TSR1: variants seen among roughly 807,000 people sequenced by gnomAD.
The protein encoded by TSR1 is pre-rRNA-processing protein TSR1 homolog.
Under a neutral mutation model 90.9 loss-of-function variants are expected in TSR1, and 81 were observed. The ratio of observed to expected loss-of-function variants is 0.89; its 90% CI spans 0.74 to 1.07. The LOEUF is 1.07. Ranked by LOEUF, TSR1 falls within the 50% of genes least tolerant of loss-of-function variation. The pLI, the probability that TSR1 is intolerant of heterozygous loss-of-function variation, is 0.00. For synonymous variants in TSR1, 362 were observed against 348.8 expected (o/e 1.04, Z -0.42); for missense variants, 989 against 987.3 (o/e 1.00, Z -0.02).
rs1030071318 is a variant in TSR1 at position 2,323,433 on chromosome 17, C to T, written c.*763G>A. ...TCCCTTAGGAGTAGCAAGTGACCCACGGGAACCTGACTAGGTAACTTCATG... is the reference window on the plus strand; with the variant it reads ...TCCCTTAGGAGTAGCAAGTGACCCATGGGAACCTGACTAGGTAACTTCATG... On this transcript the variant is annotated 3_prime_UTR_variant, in exon 15 of 15. Coordinates refer to ENST00000301364, the MANE Select transcript of TSR1 (RefSeq NM_018128.5). The T allele has an allele frequency of 3.9e-5, 58 of 1,473,768 alleles. No individual in the cohort carries two copies. The highest frequency in any genetic ancestry group is 5.9e-5 in the South Asian group (5 of 84,592). The allele number at this position is 1,473,768 out of a possible 1,614,324, so 91.3% of individuals were successfully genotyped here. A position where few individuals can be genotyped will look rare whatever the true frequency, so the allele number is the denominator to read the frequency against.
rs748029110 is a variant in TSR1, at chr17:2,335,232, G to A, written c.556+28C>T. 5.0e-6 allele frequency: 8 copies of A among 1,608,400 alleles called. No individual in the cohort carries two copies. The Admixed American group carries it at 8.5e-5, about 17-fold the overall frequency. ...CAGGCATAGTGCCTGACAAATTAAAGGTGCACAATAAATGCTAACTCACTT... is the reference window on the plus strand; with the variant it reads ...CAGGCATAGTGCCTGACAAATTAAAAGTGCACAATAAATGCTAACTCACTT... On this transcript the variant is annotated intron_variant, in intron 4 of 14. Transcript: ENST00000301364.
Position 2,324,341 on chromosome 17 carries a change from C to T in TSR1, c.2270G>A (p.Gly757Glu), listed in dbSNP as rs916010789. Residue 757 changes from glycine to glutamate, a missense_variant, in exon 15 of 15, where the codon GGG becomes GAG. Physicochemically the swap from Gly to Glu is moderately conservative, Grantham distance 98. Transcript: ENST00000301364. Reference protein sequence around the residue: ...THGHMKCSFDGKLKSQDTVLM... With the variant: ...THGHMKCSFDEKLKSQDTVLM... ...TACTGTGTCTTGAGATTTTAGCTTC[C>T]CATCAAAGCTGCATTTCATGTGGCC... 1 of 1,561,676 alleles carries T rather than the reference C, an allele frequency of 6.4e-7. No individual in the cohort carries two copies. Among genetic ancestry groups the T allele is most frequent in the Non-Finnish European group, 8.6e-7 (1 of 1,157,894 alleles).
intron 11 of TSR1, among the ~76,000 whole-genome samples, chr17:2,326,408 G>A (rs1165266088): frequency 1.3e-5 from 2 of 151,966 alleles, no homozygotes; most frequent in African/African-American, 2.4e-5. Context: ...CATTTCTGCT[G>A]CAAGTCCCGT....
In TSR1 at chr17:2,334,629, G is replaced by C. The variant is rs766852927; in HGVS notation, c.824C>G (p.Ser275Ter). ...CAGAGTCTGCCCTCGAACATAGCCT[G>C]AAATTTTCAAGGTGCCCACCAAGTT... is the stretch of plus-strand genomic sequence containing the variant. ...ENNLVGTLKI[S>*]GYVRGQTLNV... The change falls in exon 5 of 15, where the codon TCA (serine) becomes TGA (stop). Residue 275 changes from serine (S) to a stop codon, truncating the protein, a stop_gained. Coordinates refer to ENST00000301364, the MANE Select transcript of TSR1 (RefSeq NM_018128.5). LOFTEE classifies it high-confidence loss of function. 43 of 1,613,850 alleles carry C rather than the reference G, an allele frequency of 2.7e-5. No individual in the cohort carries two copies. The highest frequency in any genetic ancestry group is 3.6e-5 in the Non-Finnish European group (42 of 1,180,044).
chr17:2,327,891 C>T (rs1038003291), intron 11 of TSR1, among the ~76,000 whole-genome samples: 17 of 152,062 alleles, frequency 1.1e-4, no homozygotes, highest in Admixed American at 2.0e-4. Flanking sequence ...TCCTTATTTT[C>T]CCAACTGTAT....
chr17:2,330,758 T>C (rs1413748140), intron 9 of TSR1, 133 bp from the exon 10 acceptor site: 1 of 1,102,620 alleles, frequency 9.1e-7, no homozygotes, highest in Admixed American at 2.6e-5. Flanking sequence ...AGATGCTTCA[T>C]TTACCCAGAT....
chr17:2,325,454 C>A, intron 11 of TSR1, 34 bp from the exon 12 acceptor site: 1 of 1,555,824 alleles, frequency 6.4e-7, no homozygotes, highest in South Asian at 1.1e-5. Context: ...AAAGCAAAAC[C>A]ATTTTGAGAA....
rs766253263 is a variant in TSR1, at chr17:2,335,545, C to G, written c.387G>C (p.Leu129Phe). ...CTGAGGTGAAAAACCACCGATGTTT[C>G]AAGCGGGGGCACAGCAGCATAAAGT... ...TQNFMLLCPR[L>F]KHRWFFTSAR... Residue 129 changes from leucine (L) to phenylalanine (F), a missense_variant, in exon 3 of 15, where the codon TTG becomes TTC. Leu to Phe is a conservative substitution (Grantham distance 22). Coordinates refer to ENST00000301364, the MANE Select transcript of TSR1 (RefSeq NM_018128.5). The G allele has an allele frequency of 4.2e-5, 68 of 1,613,838 alleles. No homozygotes were observed. The highest frequency in any genetic ancestry group is 5.7e-5 in the Non-Finnish European group (67 of 1,180,040).
rs375441326 is a variant in TSR1, at chr17:2,323,904, T to G, written c.*292A>C. 4.4e-6 allele frequency: 7 copies of G among 1,585,248 alleles called. No individual in the cohort carries two copies. In the African/African-American group the frequency reaches 9.4e-5, roughly 21 times the overall value. Reference sequence around the variant, plus strand: ...AGAAAAGGAAATGGTGGGAATTCAGTGTCTTTAGATACTGAAGACATTTTG... The same window carrying G: ...AGAAAAGGAAATGGTGGGAATTCAGGGTCTTTAGATACTGAAGACATTTTG... On this transcript the variant is annotated 3_prime_UTR_variant, in exon 15 of 15. Coordinates refer to ENST00000301364, the MANE Select transcript of TSR1 (RefSeq NM_018128.5).
At position 2,333,607 on chromosome 17, in the gene TSR1, A is replaced by C; in HGVS notation, c.1091T>G (p.Met364Arg). The C allele has an allele frequency of 1.9e-6, 3 of 1,614,102 alleles. No homozygotes were observed. The South Asian group carries it at 3.3e-5, about 18-fold the overall frequency. The change falls in exon 6 of 15, where the codon ATG becomes AGG. Residue 364 changes from methionine to arginine, a missense_variant. Physicochemically the swap from Met to Arg is moderately conservative, Grantham distance 91. Transcript: ENST00000301364. ...SLQAEVIPDP[M>R]EGEQTWPTEE... ...AGTGGGCCAGGTTTGCTCTCCCTCC[A>C]TTGGATCTGGGATAACCTCTGCTTG...
rs1212108910 is a variant in TSR1 at position 2,323,541 on chromosome 17, G to A, written c.*655C>T. The A allele has an allele frequency of 1.5e-5, 18 of 1,235,926 alleles. No homozygotes were observed. The highest frequency in any genetic ancestry group is 3.0e-5 in the African/African-American group (2 of 66,790). The allele number at this position is 1,235,926 out of a possible 1,614,324, so 76.6% of individuals were successfully genotyped here. ...GAATTAAAGAAAAGCTTTGGGAAGC[G>A]TGTGTACACAGTGATAAGAAAATTC... is the stretch of plus-strand genomic sequence containing the variant. On this transcript the variant is annotated 3_prime_UTR_variant, in exon 15 of 15. Transcript: ENST00000301364.
chr17:2,333,841 C>G, intron 5 of TSR1, 125 bp from the exon 6 acceptor site: 1 of 1,188,072 alleles, frequency 8.4e-7, no homozygotes, highest in Non-Finnish European at 1.2e-6. Context: ...AATGCTAAAA[C>G]TTGTCAAAAC....
At chr17:2,330,066 T>A in intron 10 of TSR1, 1 of 300,330 alleles carries the variant, frequency 3.3e-6, no homozygotes, top group Non-Finnish European at 6.6e-6. Flanking sequence ...ATTACAGGCA[T>A]GTGCCACCAC....
chr17:2,332,264 A>G lies in TSR1; in HGVS notation c.1401T>C (p.Ala467=), dbSNP rs1305586562. The change falls in exon 8 of 15, where the codon GCT becomes GCC. Residue 467 remains alanine, a synonymous_variant. Transcript: ENST00000301364. ...DLYDKKVDEE[A]EAKMLEKYKQ... is the part of the protein sequence containing the mutation. ...TATATTTCTCCAACATTTTTGCCTC[A>G]GCTTCTTCATCTACTTTCTTATCAT... is the stretch of plus-strand genomic sequence containing the variant. 2.5e-6 allele frequency: 4 copies of G among 1,614,042 alleles called. No homozygotes were observed. The highest frequency in any genetic ancestry group is 3.4e-6 in the Non-Finnish European group (4 of 1,180,016).
intron 4 of TSR1, 71 bp downstream of exon 4, chr17:2,335,189 T>G: frequency 6.7e-7 from 1 of 1,483,230 alleles, no homozygotes; most frequent in East Asian, 2.3e-5. Context: ...CCATCAGTTG[T>G]ATTCCTGTAT....
rs1394085731 is a variant in TSR1 at position 2,330,502 on chromosome 17, G to C, written c.1770+13C>G. The C allele has an allele frequency of 6.2e-7, 1 of 1,609,556 alleles. No individual in the cohort carries two copies. Among genetic ancestry groups the C allele is most frequent in the South Asian group, 1.1e-5 (1 of 90,950 alleles). On this transcript the variant is annotated intron_variant, in intron 10 of 14. Transcript: ENST00000301364. ...TTCACAACCCCCCATTTTCCCACAA[G>C]ACAGCAATTTACCTTCTGTTCATGA... is the stretch of plus-strand genomic sequence containing the variant.
At position 2,325,397 on chromosome 17, in the gene TSR1, A is replaced by G; in HGVS notation, c.1927T>C (p.Phe643Leu). ...TAADKHKLQR[F>L]LTADMALVAT... ...ACCAGGGCCATGTCAGCAGTCAGGA[A>G]TCTCTGCAATTTATGTTTGTCCGCT... is the stretch of plus-strand genomic sequence containing the variant. The change falls in exon 12 of 15, where the codon TTC (phenylalanine) becomes CTC (leucine). Residue 643 changes from phenylalanine (F) to leucine (L), a missense_variant. Coordinates refer to ENST00000301364, the MANE Select transcript of TSR1 (RefSeq NM_018128.5). The G allele has an allele frequency of 1.2e-6, 2 of 1,612,610 alleles. No homozygotes were observed. Among genetic ancestry groups the G allele is most frequent in the Non-Finnish European group, 1.7e-6 (2 of 1,179,614 alleles).
At chr17:2,332,939 G>T (rs2064017853) in intron 7 of TSR1, 22 bp downstream of exon 7, 2 of 1,609,396 alleles carry the variant, frequency 1.2e-6, no homozygotes, top group African/African-American at 1.3e-5. Flanking sequence ...CACAGAATTG[G>T]CCTAAGGCCT....
At position 2,335,925 on chromosome 17, in the gene TSR1, T is replaced by C. The variant is rs1482996122; in HGVS notation, c.201+112A>G. On this transcript the variant is annotated intron_variant, in intron 2 of 14. Coordinates refer to ENST00000301364, the MANE Select transcript of TSR1 (RefSeq NM_018128.5). The stretch of plus-strand genomic sequence containing the variant: ...AGACCTGCACGCTCGACACGTGCTC[T>C]AGGGCTATGCTCTGTCCCTGGACCC... 2.3e-6 allele frequency: 3 copies of C among 1,293,774 alleles called. No individual in the cohort carries two copies. In the African/African-American group the frequency reaches 4.4e-5, roughly 19 times the overall value. The allele number at this position is 1,293,774 out of a possible 1,614,324, so 80.1% of individuals were successfully genotyped here.
Sources: gnomAD v4.1 joint callset for allele counts (sites outside exome capture counted in the v4.1 genomes callset) on GRCh38, gnomAD v4.1.1 for gene constraint, MANE v1.5 for transcripts, NCBI Gene and HGNC (gene_info 2026-07-23, HGNC 2026-07-21) for gene names.